Variants in KRT79 observed in about 807,000 individuals in gnomAD.
The protein encoded by KRT79 is keratin, type II cytoskeletal 79.
KRT79 carries 51 observed loss-of-function variants against 49.0 expected under a neutral mutation model. That is an observed-to-expected ratio of 1.04 (90% CI 0.83 to 1.31). KRT79 has a LOEUF of 1.31. Among genes scored for constraint, KRT79 ranks in the 40% most tolerant of loss-of-function variants. The pLI, the probability that KRT79 is intolerant of heterozygous loss-of-function variation, is 0.00. For missense variants in KRT79, 728 were observed against 688.0 expected, an observed-to-expected ratio of 1.06 and a Z score of -0.65; for synonymous variants, 312 against 286.6, an observed-to-expected ratio of 1.09 and a Z score of -0.90.
chr12:52,833,303 T>C (rs776026450), intron 1 of KRT79, among the ~76,000 whole-genome samples: 6 of 152,204 alleles, frequency 3.9e-5, no homozygotes, highest in Non-Finnish European at 8.8e-5. Flanking sequence ...CATCTTGCCC[T>C]TAAGCCTCCT....
In KRT79 at chr12:52,824,147, G is replaced by A. The variant is rs372278854; in HGVS notation, c.1020+51C>T. 6.2e-6 allele frequency: 10 copies of A among 1,613,478 alleles called. No individual in the cohort carries two copies. The Admixed American group carries it at 1.5e-4, about 24-fold the overall frequency. On this transcript the variant is annotated intron_variant, in intron 5 of 8. Coordinates refer to ENST00000330553, the MANE Select transcript of KRT79 (RefSeq NM_175834.3). ...CAGAGGCCCAAGCCTCTCACGATGG[G>A]AGATCTGATCCGACCCCAGGCCTCA... is the stretch of plus-strand genomic sequence containing the variant.
chr12:52,830,056 C>T lies in KRT79; in HGVS notation c.822G>A (p.Gln274=), dbSNP rs867987848. 1 of 1,614,202 alleles carries T rather than the reference C, an allele frequency of 6.2e-7. No individual in the cohort carries two copies. The highest frequency in any genetic ancestry group is 8.5e-7 in the Non-Finnish European group (1 of 1,180,034). ...DLHGKVGTLT[Q]EIDFLQQLYE... is the part of the protein sequence containing the mutation. The stretch of plus-strand genomic sequence containing the variant: ...AGAGTTGCTGCAGGAAGTCAATCTC[C>T]TGGGTCAAGGTGCCCACTTTGCCAT... The change falls in exon 4 of 9, where the codon CAG becomes CAA. Residue 274 remains glutamine (Q), a synonymous_variant. Transcript: ENST00000330553.
At position 52,831,580 on chromosome 12, in the gene KRT79, G is replaced by GCCCA; in HGVS notation, c.520_523dup (p.Ala175ValfsTer23). The GCCCA allele has an allele frequency of 5.6e-6, 9 of 1,614,228 alleles. No individual in the cohort carries two copies. The highest frequency in any genetic ancestry group is 5.1e-6 in the Non-Finnish European group (6 of 1,180,036). On this transcript the variant is annotated frameshift_variant, in exon 2 of 9. Transcript: ENST00000330553. LOFTEE classifies it high-confidence loss of function. ...GTTCTGGCCCTGCTCCTGCAGCAGT[G>GCCCA]CCCACTTGGTCTCCAGCACCTTATT...
chr12:52,832,261 C>T (rs957561632), intron 1 of KRT79, among the ~76,000 whole-genome samples: 5 of 152,064 alleles, frequency 3.3e-5, no homozygotes, highest in African/African-American at 1.2e-4. Flanking sequence ...GAGCAAGACC[C>T]TGTCTCAAAA....
At chr12:52,833,530 C>T (rs1031128412) in intron 1 of KRT79, among the ~76,000 whole-genome samples, 2 of 152,156 alleles carry the variant, frequency 1.3e-5, no homozygotes, top group African/African-American at 2.4e-5. Flanking sequence ...GGCTTCAACA[C>T]GGGCAAGGTG....
In KRT79 at chr12:52,822,253, G is replaced by A. The variant is rs1565688973; in HGVS notation, c.1402+92C>T. Reference sequence around the variant, plus strand: ...TCTCCAGGGGCTCGAATGGAGGAGAGCATGCTTTAGGACAGGTACAGGTTG... The same window carrying A: ...TCTCCAGGGGCTCGAATGGAGGAGAACATGCTTTAGGACAGGTACAGGTTG... On this transcript the variant is annotated intron_variant, in intron 8 of 8. Coordinates refer to ENST00000330553, the MANE Select transcript of KRT79 (RefSeq NM_175834.3). The A allele has an allele frequency of 2.1e-6, 3 of 1,398,498 alleles. No homozygotes were observed. In the African/African-American group the frequency reaches 4.3e-5, roughly 20 times the overall value. 86.6% of individuals were successfully genotyped at this position (1,398,498 alleles called of 1,614,324 possible). A position where few individuals can be genotyped will look rare whatever the true frequency, so the allele number is the denominator to read the frequency against.
At position 52,831,532 on chromosome 12, in the gene KRT79, A is replaced by G. The variant is rs759755332; in HGVS notation, c.572T>C (p.Leu191Pro). The G allele has an allele frequency of 5.6e-6, 9 of 1,614,244 alleles. No homozygotes were observed. The Admixed American group carries it at 1.5e-4, about 27-fold the overall frequency. The change falls in exon 2 of 9, where the codon CTG becomes CCG. Residue 191 changes from leucine to proline, a missense_variant. Transcript: ENST00000330553. ...GQNLGVTRNNLEPLFEAYLGS... is the reference protein window; with the variant it reads ...GQNLGVTRNNPEPLFEAYLGS... ...CAGGTAGGCCTCAAAGAGGGGCTCC[A>G]GGTTGTTCCTGGTGACACCCAAGTT... is the stretch of plus-strand genomic sequence containing the variant.
chr12:52,830,168 C>G (rs749417965), intron 3 of KRT79, 50 bp from the exon 4 acceptor site: 2 of 1,612,230 alleles, frequency 1.2e-6, no homozygotes, highest in Non-Finnish European at 1.7e-6. Flanking sequence ...GATGTCCCCT[C>G]TCCCCGAATC....
At chr12:52,831,264 G>C in intron 2 of KRT79, 142 bp downstream of exon 2, 1 of 719,308 alleles carries the variant, frequency 1.4e-6, no homozygotes, top group Admixed American at 2.5e-5. Context: ...GCAGGTGCTG[G>C]ACCTGAGCAC....
intron 1 of KRT79, among the ~76,000 whole-genome samples, chr12:52,831,929 C>T (rs886945815): frequency 1.3e-5 from 2 of 152,190 alleles, no homozygotes; most frequent in African/African-American, 4.8e-5. Context: ...TCTCACTTGT[C>T]CTGCATAAAC....
At chr12:52,823,258 T>G in intron 6 of KRT79, 22 bp from the exon 7 acceptor site, 2 of 1,606,024 alleles carry the variant, frequency 1.2e-6, no homozygotes, top group Non-Finnish European at 1.7e-6. Context: ...AGAAAGGTGT[T>G]GGAAGCACCC....
intron 4 of KRT79, 109 bp from the exon 5 acceptor site, chr12:52,824,471 G>C: frequency 8.9e-7 from 1 of 1,120,872 alleles, no homozygotes; most frequent in East Asian, 2.5e-5. Flanking sequence ...CTGTGCTCTT[G>C]TCCAGGCTCC....
Position 52,821,808 on chromosome 12 carries a change from G to A in KRT79, c.*64C>T. ...CTGCTCCTGAGAAGTGACTGGAAAG[G>A]ACAGCAGAGGTGGGGTGAGGAGGGC... On this transcript the variant is annotated 3_prime_UTR_variant, in exon 9 of 9. Coordinates refer to ENST00000330553, the MANE Select transcript of KRT79 (RefSeq NM_175834.3). The A allele has an allele frequency of 1.4e-6, 2 of 1,447,424 alleles. No homozygotes were observed. The highest frequency in any genetic ancestry group is 1.9e-6 in the Non-Finnish European group (2 of 1,042,760). 89.7% of individuals were successfully genotyped at this position (1,447,424 alleles called of 1,614,324 possible).
In KRT79 at chr12:52,831,558, C is replaced by A; in HGVS notation, c.546G>T (p.Gln182His). 1 of 1,614,272 alleles carries A rather than the reference C, an allele frequency of 6.2e-7. No homozygotes were observed. The highest frequency in any genetic ancestry group is 8.5e-7 in the Non-Finnish European group (1 of 1,180,052). The stretch of plus-strand genomic sequence containing the variant: ...GGTTGTTCCTGGTGACACCCAAGTT[C>A]TGGCCCTGCTCCTGCAGCAGTGCCC... ...TKWALLQEQG[Q>H]NLGVTRNNLE... The change falls in exon 2 of 9, where the codon CAG becomes CAT. Residue 182 changes from glutamine to histidine, a missense_variant. By Grantham distance (24) the Gln-to-His change is conservative. Transcript: ENST00000330553.
intron 2 of KRT79, among the ~76,000 whole-genome samples, chr12:52,831,195 C>T (rs889178563): frequency 6.6e-6 from 1 of 152,148 alleles, no homozygotes; most frequent in African/African-American, 2.4e-5. Flanking sequence ...TTATACTATT[C>T]CCCCTACTTT....
At chr12:52,828,396 C>A (rs148891060) in intron 4 of KRT79, among the ~76,000 whole-genome samples, 3 of 152,306 alleles carry the variant, frequency 2.0e-5, no homozygotes, top group Non-Finnish European at 4.4e-5. Flanking sequence ...GTTTTAGGCC[C>A]TGATTGCCTT....
In KRT79 at chr12:52,834,192, T is replaced by C. The variant is rs1383026909; in HGVS notation, c.69A>G (p.Gly23=). 3 of 1,613,630 alleles carry C rather than the reference T, an allele frequency of 1.9e-6. No individual in the cohort carries two copies. Among genetic ancestry groups the C allele is most frequent in the Non-Finnish European group, 2.5e-6 (3 of 1,179,924 alleles). The change falls in exon 1 of 9, where the codon GGA becomes GGG. Residue 23 remains glycine (G), a synonymous_variant. Transcript: ENST00000330553. ...TGGTGCGGGCCTGGGACCCACTCCC[T>C]CCGCTGGCAGAGTTGGAGCTGAAGC... The part of the protein sequence containing the change: ...KGGFSSNSAS[G]GSGSQARTSF...
intron 4 of KRT79, 61 bp from the exon 5 acceptor site, chr12:52,824,423 G>C: frequency 2.6e-6 from 4 of 1,559,100 alleles, no homozygotes; most frequent in South Asian, 1.2e-5. Flanking sequence ...AAGCATCAGA[G>C]GGTGAAGGAC....
chr12:52,825,564 G>A (rs1248746903), intron 4 of KRT79, among the ~76,000 whole-genome samples: 2 of 152,158 alleles, frequency 1.3e-5, no homozygotes, highest in Non-Finnish European at 2.9e-5. Context: ...CTGAGAGGAC[G>A]TAGACTAAAA....
Sources: allele counts gnomAD v4.1 joint callset (sites outside exome capture counted in the v4.1 genomes callset), GRCh38; gene constraint gnomAD v4.1.1; transcripts MANE v1.5; gene names NCBI Gene and HGNC (gene_info 2026-07-23, HGNC 2026-07-21).